Variants in TOX observed in about 807,000 individuals in gnomAD.
TOX encodes thymocyte selection-associated high mobility group box protein TOX.
A neutral mutation model predicts 53.7 loss-of-function variants in TOX; 11 were observed. The ratio of observed to expected loss-of-function variants is 0.20; its 90% CI spans 0.13 to 0.34. The LOEUF is 0.34. Among genes scored for constraint, TOX ranks in the 10% least tolerant of loss-of-function variants. The pLI is 1.00. For synonymous variants in TOX, 225 were observed against 245.3 expected (o/e 0.92, Z 0.77); for missense variants, 570 against 664.6 (o/e 0.86, Z 1.56).
intron 3 of TOX, among the ~76,000 whole-genome samples, chr8:58,863,473 C>T (rs923210977): frequency 3.3e-5 from 5 of 152,118 alleles, no homozygotes; most frequent in South Asian, 2.1e-4. Flanking sequence ...ATGGTACTCA[C>T]GAGGGACCCA....
chr8:58,941,753 C>A (rs1046959479), intron 2 of TOX, among the ~76,000 whole-genome samples: 2 of 151,972 alleles, frequency 1.3e-5, no homozygotes, highest in Non-Finnish European at 1.5e-5. Flanking sequence ...TTAATTAGTG[C>A]CTGTTTGAAA....
At chr8:59,068,600 G>A (rs1277893216) in intron 1 of TOX, among the ~76,000 whole-genome samples, 1 of 152,174 alleles carries the variant, frequency 6.6e-6, no homozygotes, top group East Asian at 1.9e-4. Context: ...CATTCTGAGT[G>A]TTTTACAGGT....
At chr8:58,923,791 C>T (rs562584258) in intron 3 of TOX, among the ~76,000 whole-genome samples, 20 of 152,242 alleles carry the variant, frequency 1.3e-4, no homozygotes, top group Admixed American at 2.6e-4. Context: ...ACCTGGGTTC[C>T]GGGTCCCTCA....
chr8:59,028,561 GCATA>G (rs566256532), intron 1 of TOX, among the ~76,000 whole-genome samples: 41 of 151,730 alleles, frequency 2.7e-4, no homozygotes, highest in South Asian at 8.3e-4. Flanking sequence ...ATAGATACAT[GCATA>G]CATACATACA....
chr8:58,963,289 TAGA>T (rs1812831879), intron 1 of TOX, among the ~76,000 whole-genome samples: 1 of 146,028 alleles, frequency 6.8e-6, no homozygotes, highest in Admixed American at 7.0e-5. Flanking sequence ...TTTTGATAGA[TAGA>T]AGATAGATAG....
intron 6 of TOX, among the ~76,000 whole-genome samples, chr8:58,820,332 A>C (rs1810252946): frequency 6.6e-6 from 1 of 152,072 alleles, no homozygotes. Flanking sequence ...TTCATGAACT[A>C]TTCCTTAAGG....
chr8:59,085,881 T>G (rs555554218), intron 1 of TOX, among the ~76,000 whole-genome samples: 2 of 152,252 alleles, frequency 1.3e-5, no homozygotes, highest in African/African-American at 4.8e-5. Flanking sequence ...TACAAACTTT[T>G]GTTCCTCTGG....
chr8:58,925,932 T>G (rs977011614), intron 3 of TOX, among the ~76,000 whole-genome samples: 2 of 152,158 alleles, frequency 1.3e-5, no homozygotes, highest in African/African-American at 4.8e-5. Flanking sequence ...CCCCTTCCCC[T>G]TTGCAGTGGA....
At chr8:59,053,931 A>G (rs117008932) in intron 1 of TOX, among the ~76,000 whole-genome samples, 3,550 of 152,302 alleles carry the variant, frequency 0.023, 120 homozygotes, top group East Asian at 0.11. Flanking sequence ...TTTCAAAAAG[A>G]AAATCTTGCA....
intron 1 of TOX, among the ~76,000 whole-genome samples, chr8:58,975,235 G>GAT (rs1037568334): frequency 1.7e-4 from 18 of 104,428 alleles, no homozygotes; most frequent in South Asian, 3.4e-4. Context: ...ATATGTGTGT[G>GAT]ATATATATAT....
At chr8:59,037,801 C>CAAAAAA (rs769397049) in intron 1 of TOX, among the ~76,000 whole-genome samples, 25 of 98,056 alleles carry the variant, frequency 2.5e-4, no homozygotes, top group African/African-American at 8.7e-4. Flanking sequence ...GACTCCATCT[C>CAAAAAA]AAAAAAAAAA....
chr8:58,995,794 G>A lies in TOX; in HGVS notation c.103-35786C>T, dbSNP rs144137270. Among the ~76,000 whole-genome samples the A allele has an allele frequency of 3.7e-4, 56 of 152,308 alleles. 1 individual carries two copies. The highest frequency in any genetic ancestry group is 3.4e-3 in the Middle Eastern group (1 of 294). ...AGCATTTTGTACCTCAGTGACTGAT[G>A]TACTTGCTTGAATGAATCCTTACCA... On this transcript the variant is annotated intron_variant, in intron 1 of 8. Transcript: ENST00000361421.
chr8:58,988,749 C>G (rs1813385266), intron 1 of TOX, among the ~76,000 whole-genome samples: 1 of 152,156 alleles, frequency 6.6e-6, no homozygotes, highest in Admixed American at 6.5e-5. Context: ...CCAATGTGCA[C>G]AGGAAATCTG....
At chr8:59,046,770 A>G (rs1395603309) in intron 1 of TOX, among the ~76,000 whole-genome samples, 1 of 147,150 alleles carries the variant, frequency 6.8e-6, no homozygotes, top group East Asian at 2.1e-4. Flanking sequence ...AGGCATGAGA[A>G]TTCGCTTGAA....
At chr8:58,856,215 G>C (rs757596771) in intron 3 of TOX, among the ~76,000 whole-genome samples, 5 of 151,944 alleles carry the variant, frequency 3.3e-5, no homozygotes, top group Admixed American at 6.6e-5. Context: ...TATCTATAAG[G>C]CTCCAAGAAC....
intron 1 of TOX, among the ~76,000 whole-genome samples, chr8:59,002,942 T>C (rs1813721797): frequency 6.6e-6 from 1 of 152,212 alleles, no homozygotes; most frequent in African/African-American, 2.4e-5. Context: ...TTATAAATGC[T>C]GGTGAAGGGA....
chr8:58,956,521 G>A (rs190162841), intron 2 of TOX, among the ~76,000 whole-genome samples: 4 of 152,206 alleles, frequency 2.6e-5, no homozygotes, highest in South Asian at 4.1e-4. Context: ...TAACATATCC[G>A]TCATCTTGCA....
intron 1 of TOX, among the ~76,000 whole-genome samples, chr8:59,027,176 A>C (rs923771666): frequency 2.6e-5 from 4 of 152,172 alleles, no homozygotes; most frequent in African/African-American, 7.2e-5. Flanking sequence ...TTATGTCCAG[A>C]TTATCTAGTT....
At chr8:59,116,653 A>G (rs1373459476) in intron 1 of TOX, among the ~76,000 whole-genome samples, 1 of 152,258 alleles carries the variant, frequency 6.6e-6, no homozygotes, top group Non-Finnish European at 1.5e-5. Flanking sequence ...TGGGCCAGAG[A>G]TGTCCCTGGA....
Sources: gnomAD v4.1 joint callset for allele counts (sites outside exome capture counted in the v4.1 genomes callset) on GRCh38, gnomAD v4.1.1 for gene constraint, MANE v1.5 for transcripts, NCBI Gene and HGNC (gene_info 2026-07-23, HGNC 2026-07-21) for gene names.